CCSER1: variants seen among roughly 807,000 people sequenced by gnomAD.
CCSER1 encodes serine-rich coiled-coil domain-containing protein 1.
CCSER1 carries 41 observed loss-of-function variants against 82.0 expected under a neutral mutation model. The ratio of observed to expected loss-of-function variants is 0.50; its 90% CI spans 0.39 to 0.65. The LOEUF (loss-of-function observed/expected upper bound fraction) is 0.65, where lower values mean the gene tolerates loss of function less well. Ranked by LOEUF, CCSER1 falls within the 30% of genes least tolerant of loss-of-function variation. The probability of loss-of-function intolerance (pLI) is 0.00; values close to 1 mark genes in which losing one functional copy is unlikely to be tolerated. For missense variants in CCSER1, 1,119 were observed against 1,064.2 expected (o/e 1.05, Z -0.72); for synonymous variants, 414 against 383.9 (o/e 1.08, Z -0.92).
chr4:91,050,664 G>A (rs193273740), intron 9 of CCSER1, among the ~76,000 whole-genome samples: 1 of 152,074 alleles, frequency 6.6e-6, no homozygotes, highest in South Asian at 2.1e-4. Flanking sequence ...TCAACTAGTC[G>A]AGCAGGAGCA....
intron 9 of CCSER1, among the ~76,000 whole-genome samples, chr4:91,066,047 T>C (rs991263236): frequency 2.8e-4 from 43 of 152,194 alleles, no homozygotes; most frequent in Non-Finnish European, 4.0e-4. Context: ...ACTTGTAATA[T>C]TTTGTATATT....
intron 5 of CCSER1, among the ~76,000 whole-genome samples, chr4:90,553,525 GA>G (rs1414023446): frequency 6.6e-6 from 1 of 152,124 alleles, no homozygotes; most frequent in Non-Finnish European, 1.5e-5. Flanking sequence ...TAATGCATTA[GA>G]ACTATTAATC....
chr4:91,004,669 C>G (rs901305537), intron 9 of CCSER1, among the ~76,000 whole-genome samples: 1 of 152,170 alleles, frequency 6.6e-6, no homozygotes, highest in Admixed American at 6.5e-5. Context: ...CAAATATAAT[C>G]TTAATGAAAA....
Position 90,985,358 on chromosome 4 carries a change from T to C in CCSER1, c.2172+61911T>C, listed in dbSNP as rs1736497255. Among the ~76,000 whole-genome samples the C allele has an allele frequency of 2.0e-5, 3 of 151,814 alleles. No homozygotes were observed. The South Asian group carries it at 6.2e-4, about 31-fold the overall frequency. ...TACTGTTTAGAAAGCCATCAGATTT[T>C]TTTTTTCTTCTTTAGCGGTTACTCT... On this transcript the variant is annotated intron_variant, in intron 9 of 10. Transcript: ENST00000509176.
chr4:91,198,775 T>G (rs1375196033), intron 10 of CCSER1, among the ~76,000 whole-genome samples: 4 of 152,150 alleles, frequency 2.6e-5, no homozygotes, highest in Non-Finnish European at 5.9e-5. Flanking sequence ...AGATGCCAAT[T>G]AAGACTTTTA....
chr4:91,537,528 A>T (rs1431700733), intron 10 of CCSER1, among the ~76,000 whole-genome samples: 3 of 152,048 alleles, frequency 2.0e-5, no homozygotes, highest in African/African-American at 7.2e-5. Context: ...CAAAAATGGT[A>T]TGAAACTTTT....
At chr4:91,485,497 T>C (rs1370116173) in intron 10 of CCSER1, among the ~76,000 whole-genome samples, 3 of 152,160 alleles carry the variant, frequency 2.0e-5, no homozygotes, top group Non-Finnish European at 4.4e-5. Flanking sequence ...AAGTAGCATG[T>C]ATTATTGAAG....
chr4:90,638,305 A>C (rs922313297), intron 6 of CCSER1, among the ~76,000 whole-genome samples: 2 of 152,132 alleles, frequency 1.3e-5, no homozygotes, highest in African/African-American at 4.8e-5. Flanking sequence ...AAAACTCATC[A>C]AATTACACAT....
chr4:91,120,917 A>G (rs1441599244), intron 10 of CCSER1, among the ~76,000 whole-genome samples: 1 of 151,924 alleles, frequency 6.6e-6, no homozygotes, highest in East Asian at 1.9e-4. Flanking sequence ...CAAAGGAGTG[A>G]ATGAGTACTT....
intron 5 of CCSER1, among the ~76,000 whole-genome samples, chr4:90,579,497 C>G (rs1369406715): frequency 1.3e-5 from 2 of 152,164 alleles, no homozygotes; most frequent in South Asian, 2.1e-4. Context: ...AATTGCATGA[C>G]AAGCTTTTCC....
In CCSER1 at chr4:90,561,036, G is replaced by A. The variant is rs190467825; in HGVS notation, c.1725-66989G>A. Among the ~76,000 whole-genome samples, 135 of 152,276 alleles carry A rather than the reference G, an allele frequency of 8.9e-4. 3 individuals are homozygous for A. Among genetic ancestry groups the A allele is most frequent in the Admixed American group, 8.6e-3 (131 of 15,288 alleles). ...GCTAATATATTCTCACAGGGTATTTGTTCTAATTTACTACCTTATCACACT... is the reference window on the plus strand; with the variant it reads ...GCTAATATATTCTCACAGGGTATTTATTCTAATTTACTACCTTATCACACT... On this transcript the variant is annotated intron_variant, in intron 5 of 10. Coordinates refer to ENST00000509176, the MANE Select transcript of CCSER1 (RefSeq NM_001145065.2).
chr4:91,085,751 G>T (rs761121470), intron 9 of CCSER1, among the ~76,000 whole-genome samples, 199 bp from the exon 10 acceptor site: 2 of 151,178 alleles, frequency 1.3e-5, no homozygotes, highest in Non-Finnish European at 2.9e-5. Context: ...GGCAGGAAAT[G>T]CATTGGGACT....
chr4:91,592,817 A>C (rs1764327391), intron 10 of CCSER1, among the ~76,000 whole-genome samples: 1 of 152,116 alleles, frequency 6.6e-6, no homozygotes, highest in Admixed American at 6.6e-5. Flanking sequence ...TTCTTGTTGT[A>C]AAGCAATATT....
At chr4:90,318,100 C>T (rs981132570) in intron 3 of CCSER1, among the ~76,000 whole-genome samples, 2 of 152,118 alleles carry the variant, frequency 1.3e-5, no homozygotes, top group African/African-American at 4.8e-5. Context: ...ATTTAATGGG[C>T]CCTGACTTTG....
chr4:91,108,994 A>G (rs2148867686), intron 10 of CCSER1, among the ~76,000 whole-genome samples: 1 of 152,332 alleles, frequency 6.6e-6, no homozygotes, highest in African/African-American at 2.4e-5. Context: ...GAAGAAAGGC[A>G]GATTTGCTTT....
chr4:90,358,012 A>G (rs1273607669), intron 3 of CCSER1, among the ~76,000 whole-genome samples: 3 of 152,014 alleles, frequency 2.0e-5, no homozygotes, highest in African/African-American at 7.2e-5. Flanking sequence ...TAAAAAAAAT[A>G]TGAAGTCCTT....
chr4:91,428,829 C>A (rs1300211061), intron 10 of CCSER1, among the ~76,000 whole-genome samples: 1 of 151,924 alleles, frequency 6.6e-6, no homozygotes, highest in Non-Finnish European at 1.5e-5. Context: ...ATGAAAAGTA[C>A]TTTATTAATC....
At chr4:90,460,429 G>A (rs1392273469) in intron 4 of CCSER1, among the ~76,000 whole-genome samples, 2 of 150,642 alleles carry the variant, frequency 1.3e-5, no homozygotes, top group African/African-American at 4.9e-5. Flanking sequence ...CCAACCATCT[G>A]TCATAAAATG....
At chr4:90,427,202 A>G (rs1474925494) in intron 4 of CCSER1, among the ~76,000 whole-genome samples, 1 of 151,948 alleles carries the variant, frequency 6.6e-6, no homozygotes, top group East Asian at 1.9e-4. Context: ...TTCTTCCAGG[A>G]ATTTTTGGTT....
Sources: allele counts gnomAD v4.1 joint callset (sites outside exome capture counted in the v4.1 genomes callset), GRCh38; gene constraint gnomAD v4.1.1; transcripts MANE v1.5; gene names NCBI Gene and HGNC (gene_info 2026-07-23, HGNC 2026-07-21).